Variants in ROR2 observed in about 807,000 individuals in gnomAD.
ROR2 encodes the protein ROR family WNT receptor 2, also known as tyrosine-protein kinase transmembrane receptor ROR2.
Under a neutral mutation model 74.9 loss-of-function variants are expected in ROR2, and 33 were observed. The ratio of observed to expected loss-of-function variants is 0.44; its 90% confidence interval spans 0.33 to 0.59. The LOEUF is 0.59. ROR2 is among the 20% of genes least tolerant of loss of function. The pLI is 0.02. For synonymous variants in ROR2, 586 were observed against 558.7 expected, an observed-to-expected ratio of 1.05 and a Z score of -0.69; for missense variants, 1,216 against 1,313.8, an observed-to-expected ratio of 0.93 and a Z score of 1.15.
intron 2 of ROR2, among the ~76,000 whole-genome samples, chr9:91,760,678 G>A (rs1825889562): frequency 6.6e-6 from 1 of 151,472 alleles, no homozygotes. Context: ...ACTTTTTGAG[G>A]GCAATATTCT....
intron 1 of ROR2, among the ~76,000 whole-genome samples, chr9:91,894,427 T>C (rs775556527): frequency 6.7e-4 from 102 of 152,296 alleles, no homozygotes; most frequent in Non-Finnish European, 1.4e-3. Context: ...GAAGGGAGCA[T>C]ATAAATTCCT....
At position 91,757,152 on chromosome 9, in the gene ROR2, C is replaced by A. The variant is rs1825779839; in HGVS notation, c.463+120G>T. 3.0e-6 allele frequency: 4 copies of A among 1,333,910 alleles called. No homozygotes were observed. The Admixed American group carries it at 7.3e-5, about 24-fold the overall frequency. The allele number at this position is 1,333,910 out of a possible 1,614,324, so 82.6% of individuals were successfully genotyped here. ...TGGGGAAGGCCCTAGGGAACGGTTT[C>A]ATTGCTCTCCCCTCGTGCTGACTGG... On this transcript the variant is annotated intron_variant, in intron 3 of 8. Transcript: ENST00000375708.
Position 91,737,408 on chromosome 9 carries a change from A to G in ROR2, c.605T>C (p.Ile202Thr), listed in dbSNP as rs764578322. 10 of 1,613,924 alleles carry G rather than the reference A, an allele frequency of 6.2e-6. No individual in the cohort carries two copies. Among genetic ancestry groups the G allele is most frequent in the South Asian group, 1.1e-5 (1 of 91,070 alleles). ...YVDSLQMQGE[I>T]ENRITAAFTM... The stretch of plus-strand genomic sequence containing the variant: ...GCTCCTACCTGTGATTCGGTTTTCA[A>G]TCTCCCCCTGCATCTGAAGCGAGTC... Residue 202 changes from isoleucine (I) to threonine (T), a missense_variant, in exon 5 of 9, where the codon ATT becomes ACT. Coordinates refer to ENST00000375708, the MANE Select transcript of ROR2 (RefSeq NM_004560.4).
chr9:91,923,479 C>G (rs10820917), intron 1 of ROR2, among the ~76,000 whole-genome samples: 37,845 of 152,084 alleles, frequency 0.25, 4,857 homozygotes, highest in Admixed American at 0.31. Flanking sequence ...CCAGAAATAC[C>G]CAAGGTAAGG....
chr9:91,921,666 C>T (rs192531488), intron 1 of ROR2, among the ~76,000 whole-genome samples: 1 of 152,212 alleles, frequency 6.6e-6, no homozygotes, highest in Admixed American at 6.5e-5. Flanking sequence ...AAGTAGGAGA[C>T]CAGCCTGGCC....
chr9:91,906,275 T>C (rs1830815686), intron 1 of ROR2, among the ~76,000 whole-genome samples: 1 of 152,168 alleles, frequency 6.6e-6, no homozygotes, highest in South Asian at 2.1e-4. Flanking sequence ...CCCAGTAGGA[T>C]ACCTGGAATG....
intron 1 of ROR2, among the ~76,000 whole-genome samples, chr9:91,841,072 G>A (rs1205156228): frequency 3.3e-5 from 5 of 152,216 alleles, no homozygotes; most frequent in South Asian, 2.1e-4. Flanking sequence ...CAGGCATCAC[G>A]TGGGTCCAGT....
intron 4 of ROR2, among the ~76,000 whole-genome samples, chr9:91,745,758 C>A (rs1825391715): frequency 6.6e-6 from 1 of 152,112 alleles, no homozygotes; most frequent in Admixed American, 6.5e-5. Context: ...TGTATCTATT[C>A]TCGAATTATC....
chr9:91,897,980 A>T (rs1830578860), intron 1 of ROR2, among the ~76,000 whole-genome samples: 1 of 152,000 alleles, frequency 6.6e-6, no homozygotes, highest in African/African-American at 2.4e-5. Flanking sequence ...AGGGAGAAGG[A>T]GCACCAGACG....
intron 1 of ROR2, among the ~76,000 whole-genome samples, chr9:91,840,355 G>A (rs1320296415): frequency 2.6e-5 from 4 of 152,162 alleles, no homozygotes; most frequent in African/African-American, 9.7e-5. Context: ...AAAACCCAGA[G>A]CCTTCCAGTG....
intron 7 of ROR2, 112 bp from the exon 8 acceptor site, chr9:91,726,855 A>C: frequency 1.0e-6 from 1 of 975,374 alleles, no homozygotes; most frequent in Non-Finnish European, 1.6e-6. Context: ...CACGTGTGTC[A>C]TCACCTAAGT....
intron 1 of ROR2, among the ~76,000 whole-genome samples, chr9:91,897,927 CAG>C (rs1243237159): frequency 1.1e-4 from 17 of 152,104 alleles, no homozygotes; most frequent in African/African-American, 4.1e-4. Context: ...ACAGAGAGTG[CAG>C]TCCCCCTGCC....
intron 1 of ROR2, chr9:91,948,851 AC>A (rs1446602615): frequency 8.1e-6 from 8 of 984,542 alleles, no homozygotes; most frequent in Non-Finnish European, 9.6e-6. Flanking sequence ...GCCCTCCTCC[AC>A]CCCCGCAGGG....
chr9:91,848,711 C>T (rs112816164), intron 1 of ROR2, among the ~76,000 whole-genome samples: 81 of 148,948 alleles, frequency 5.4e-4, no homozygotes, highest in African/African-American at 1.9e-3. Context: ...GCTGAGATCG[C>T]TCCATTGCAC....
chr9:91,730,939 C>A lies in ROR2; in HGVS notation c.1154G>T (p.Arg385Leu). The change falls in exon 7 of 9, where the codon CGC (arginine) becomes CTC (leucine). Residue 385 changes from arginine to leucine, a missense_variant. By Grantham distance (102) the Arg-to-Leu change is moderately radical (BLOSUM62 -2). Transcript: ENST00000375708. ...PWCFTQNKNV[R>L]MELCDVPSCS... ...CGAGGGTACGTCACACAGTTCCATG[C>A]GTACGTTTTTATTCTGCGTAAAGCA... 1 of 1,614,142 alleles carries A rather than the reference C, an allele frequency of 6.2e-7. No individual in the cohort carries two copies. The highest frequency in any genetic ancestry group is 8.5e-7 in the Non-Finnish European group (1 of 1,180,028).
intron 1 of ROR2, among the ~76,000 whole-genome samples, chr9:91,862,569 G>A (rs1829501077): frequency 6.6e-6 from 1 of 151,978 alleles, no homozygotes. Context: ...GGTTGAGGCA[G>A]GAGAATCGCT....
chr9:91,815,703 T>C (rs1827905995), intron 1 of ROR2, among the ~76,000 whole-genome samples: 1 of 152,190 alleles, frequency 6.6e-6, no homozygotes, highest in Non-Finnish European at 1.5e-5. Flanking sequence ...TTGGATAAAT[T>C]CCCTGCAAAG....
intron 1 of ROR2, among the ~76,000 whole-genome samples, chr9:91,930,390 C>G: frequency 6.6e-6 from 1 of 152,294 alleles, no homozygotes. Flanking sequence ...CTCAGCCAGT[C>G]GGGATCAGCT....
chr9:91,740,453 G>A (rs1163795914), intron 4 of ROR2, among the ~76,000 whole-genome samples: 2 of 151,942 alleles, frequency 1.3e-5, no homozygotes, highest in South Asian at 2.1e-4. Flanking sequence ...TCGGGAGGCT[G>A]GGGCAGGAGA....
Sources: gnomAD v4.1 joint callset for allele counts (sites outside exome capture counted in the v4.1 genomes callset) on GRCh38, gnomAD v4.1.1 for gene constraint, MANE v1.5 for transcripts, NCBI Gene and HGNC (gene_info 2026-07-23, HGNC 2026-07-21) for gene names.